KIF25: variants seen among roughly 807,000 people sequenced by gnomAD.
KIF25 encodes the protein kinesin family member 25, also known as kinesin-like protein KIF25.
In KIF25, 19 loss-of-function variants were observed where a neutral mutation model predicts 32.9. That is an observed-to-expected ratio of 0.58 (90% CI 0.40 to 0.85). The LOEUF is 0.85. Among genes scored for constraint, KIF25 ranks in the 40% least tolerant of loss-of-function variants. The pLI is 0.00. For missense variants in KIF25, 485 were observed against 507.0 expected (o/e 0.96, Z 0.42); for synonymous variants, 225 against 213.7 (o/e 1.05, Z -0.46).
chr6:168,038,717 T>C lies in KIF25; in HGVS notation c.482T>C (p.Leu161Pro), dbSNP rs1461237691. 1 of 1,613,398 alleles carries C rather than the reference T, an allele frequency of 6.2e-7. No individual in the cohort carries two copies. The highest frequency in any genetic ancestry group is 1.3e-5 in the African/African-American group (1 of 74,918). ...TAKDGRTEVA[L>P]LASEAVGSAS... ...AAGGATGGACGGACAGAGGTTGCGCTGCTGGCCTCTGAGTGAGTACTGCAC... is the reference window on the plus strand; with the variant it reads ...AAGGATGGACGGACAGAGGTTGCGCCGCTGGCCTCTGAGTGAGTACTGCAC... Residue 161 changes from leucine (L) to proline (P), a missense_variant, in exon 9 of 13, where the codon CTG becomes CCG. Transcript: ENST00000643607.
At chr6:168,035,435 C>CTGCGG (rs1238186330) in intron 8 of KIF25, among the ~76,000 whole-genome samples, 6 of 6,628 alleles carry the variant, frequency 9.1e-4, no homozygotes, top group Non-Finnish European at 1.4e-3. Context: ...TGGAACGGCG[C>CTGCGG]GGCGGAGGAG....
intron 4 of KIF25, among the ~76,000 whole-genome samples, chr6:168,007,419 A>T (rs1427791051): frequency 2.0e-5 from 3 of 152,174 alleles, no homozygotes; most frequent in Non-Finnish European, 4.4e-5. Flanking sequence ...CTCAAAACAA[A>T]AACAAAAACA....
chr6:168,043,291 C>T lies in KIF25; in HGVS notation c.985+575C>T, dbSNP rs983346445. On this transcript the variant is annotated intron_variant, in intron 12 of 12. Coordinates refer to ENST00000643607, the MANE Select transcript of KIF25 (RefSeq NM_030615.4). ...AAAGGGAGGACCCGAGGAAGCATTG[C>T]GGCTCTTCCTGACTCAGGGTGCAGG... 7.2e-5 allele frequency among the ~76,000 whole-genome samples: 11 copies of T among 152,312 alleles called. No homozygotes were observed. The East Asian group carries it at 1.4e-3, about 19-fold the overall frequency.
intron 4 of KIF25, among the ~76,000 whole-genome samples, chr6:168,011,644 A>G (rs1008004469): frequency 6.6e-6 from 1 of 152,072 alleles, no homozygotes; most frequent in African/African-American, 2.4e-5. Flanking sequence ...ACTTTTGACA[A>G]TTTTCCTACA....
intron 5 of KIF25, among the ~76,000 whole-genome samples, chr6:168,024,396 G>A (rs6922131): frequency 0.26 from 38,942 of 147,004 alleles, 5,603 homozygotes; most frequent in East Asian, 0.51. Context: ...AATTATGCAG[G>A]GGAATAATCT....
In KIF25 at chr6:168,030,927, A is replaced by C. The variant is rs1293622437; in HGVS notation, c.167+80A>C. ...AGCTTCACTGTGCTGTGGAGTGAGA[A>C]TGTAGCATTAGAGTCTGAGCATTCT... On this transcript the variant is annotated intron_variant, in intron 7 of 12. Coordinates refer to ENST00000643607, the MANE Select transcript of KIF25 (RefSeq NM_030615.4). 5.2e-6 allele frequency: 6 copies of C among 1,157,010 alleles called. No individual in the cohort carries two copies. In the Admixed American group the frequency reaches 7.8e-5, roughly 15 times the overall value. The allele number at this position is 1,157,010 out of a possible 1,614,324, so 71.7% of individuals were successfully genotyped here.
chr6:168,011,569 G>A (rs1318590918), intron 4 of KIF25, among the ~76,000 whole-genome samples: 2 of 152,084 alleles, frequency 1.3e-5, no homozygotes, highest in Non-Finnish European at 2.9e-5. Flanking sequence ...ATCCACTGTT[G>A]GTTTAATGGA....
intron 7 of KIF25, among the ~76,000 whole-genome samples, chr6:168,033,214 G>C (rs1348496980): frequency 6.6e-6 from 1 of 152,114 alleles, no homozygotes; most frequent in African/African-American, 2.4e-5. Context: ...TCTTTTGTAT[G>C]AAACATACGC....
At chr6:168,009,459 T>A (rs1423760250) in intron 4 of KIF25, among the ~76,000 whole-genome samples, 1 of 152,184 alleles carries the variant, frequency 6.6e-6, no homozygotes, top group Non-Finnish European at 1.5e-5. Flanking sequence ...GATGTGCTGT[T>A]CAATGCAGTT....
intron 10 of KIF25, among the ~76,000 whole-genome samples, chr6:168,040,500 A>T (rs1799103131): frequency 6.6e-6 from 1 of 152,036 alleles, no homozygotes; most frequent in South Asian, 2.1e-4. Flanking sequence ...CAGGAGGCAG[A>T]GGTTGCGATG....
intron 5 of KIF25, among the ~76,000 whole-genome samples, chr6:168,021,351 C>T (rs187979055): frequency 8.6e-4 from 131 of 152,268 alleles, no homozygotes; most frequent in African/African-American, 2.9e-3. Context: ...CAGCAAGAAC[C>T]GACCCTGCCT....
intron 9 of KIF25, among the ~76,000 whole-genome samples, chr6:168,039,835 GA>G: frequency 6.6e-6 from 1 of 152,322 alleles, no homozygotes; most frequent in Non-Finnish European, 1.5e-5. Context: ...ATTTTGTTCT[GA>G]AACAGTCCAT....
Position 168,020,015 on chromosome 6 carries a change from C to T in KIF25, c.-95+1975C>T, listed in dbSNP as rs146644246. Among the ~76,000 whole-genome samples the T allele has an allele frequency of 3.8e-3, 573 of 152,164 alleles. 4 individuals carry two copies. The highest frequency in any genetic ancestry group is 0.013 in the African/African-American group (534 of 41,510). ...GGTATGGTGGTGCACACCTGTAATC[C>T]CGCTGCTTGGGAGGCTGAGGCAGGA... On this transcript the variant is annotated intron_variant, in intron 5 of 12. Coordinates refer to ENST00000643607, the MANE Select transcript of KIF25 (RefSeq NM_030615.4).
chr6:168,037,645 T>TTCTCTC (rs35282663), intron 8 of KIF25, among the ~76,000 whole-genome samples: 33 of 146,862 alleles, frequency 2.2e-4, no homozygotes, highest in African/African-American at 6.5e-4. Flanking sequence ...AAGGTTTTAT[T>TTCTCTC]TCTCTCTCTC....
Position 168,042,713 on chromosome 6 carries a change from C to A in KIF25, c.982C>A (p.Leu328Ile). The change falls in exon 12 of 13, where the codon CTC (leucine) becomes ATC (isoleucine). Residue 328 changes from leucine to isoleucine, a missense_variant. Coordinates refer to ENST00000643607, the MANE Select transcript of KIF25 (RefSeq NM_030615.4). ...SRLTHLLQDC[L>I]GGDAKLLVIL... is the part of the protein sequence containing the mutation. ...GCTCACCCACCTCCTTCAGGACTGC[C>A]TCGGTAACCGTTTTCCCCAAAATGC... 1 of 1,609,166 alleles carries A rather than the reference C, an allele frequency of 6.2e-7. No individual in the cohort carries two copies.
chr6:168,034,868 C>T (rs1167136827), intron 8 of KIF25, among the ~76,000 whole-genome samples: 1 of 152,138 alleles, frequency 6.6e-6, no homozygotes, highest in Non-Finnish European at 1.5e-5. Context: ...AGTAAAAAGT[C>T]GTCTCAGTGG....
chr6:168,043,860 C>T (rs961526711), intron 12 of KIF25, among the ~76,000 whole-genome samples: 2 of 152,212 alleles, frequency 1.3e-5, no homozygotes, highest in Admixed American at 1.3e-4. Context: ...TCTTAACCCT[C>T]GTTACGGGTC....
intron 6 of KIF25, 85 bp downstream of exon 6, chr6:168,029,762 C>T: frequency 6.8e-7 from 1 of 1,478,036 alleles, no homozygotes; most frequent in East Asian, 2.3e-5. Flanking sequence ...ATTCTTTCTA[C>T]TTTTGTATCT....
chr6:168,042,029 G>A lies in KIF25; in HGVS notation c.707G>A (p.Arg236Lys), dbSNP rs1409503843. 4 of 1,551,588 alleles carry A rather than the reference G, an allele frequency of 2.6e-6. No homozygotes were observed. The highest frequency in any genetic ancestry group is 3.5e-6 in the Non-Finnish European group (4 of 1,147,170). The change falls in exon 11 of 13, where the codon AGG becomes AAG. Residue 236 changes from arginine (R) to lysine (K), a missense_variant. Arg to Lys is a conservative substitution (Grantham distance 26). Transcript: ENST00000643607. ...REQTEAGRAG[R>K]SRRASQGALA... ...CAAACAGAGGCAGGAAGGGCAGGAAGGAGCCGCAGAGCTTCTCAAGGGGCC... is the reference window on the plus strand; with the variant it reads ...CAAACAGAGGCAGGAAGGGCAGGAAAGAGCCGCAGAGCTTCTCAAGGGGCC...
Sources: gnomAD v4.1 joint callset for allele counts (sites outside exome capture counted in the v4.1 genomes callset) on GRCh38, gnomAD v4.1.1 for gene constraint, MANE v1.5 for transcripts, NCBI Gene and HGNC (gene_info 2026-07-23, HGNC 2026-07-21) for gene names.